The following CDH13 variants were observed in gnomAD, a reference collection of about 807,000 sequenced individuals.
CDH13 encodes cadherin-13.
Under a neutral mutation model 63.8 loss-of-function variants are expected in CDH13, and 24 were observed. The ratio of observed to expected loss-of-function variants is 0.38; its 90% CI spans 0.27 to 0.53. The LOEUF (loss-of-function observed/expected upper bound fraction) is 0.53, where lower values mean the gene tolerates loss of function less well. Ranked by LOEUF, CDH13 falls within the 20% of genes least tolerant of loss-of-function variation. The pLI, the probability that CDH13 is intolerant of heterozygous loss-of-function variation, is 0.85. For missense variants in CDH13, 1,049 were observed against 903.1 expected, an observed-to-expected ratio of 1.16 and a Z score of -2.07; for synonymous variants, 503 against 355.3, an observed-to-expected ratio of 1.42 and a Z score of -4.67.
At chr16:83,400,465 G>A (rs11647963) in intron 6 of CDH13, among the ~76,000 whole-genome samples, 16,976 of 152,234 alleles carry the variant, frequency 0.11, 1,228 homozygotes, top group Middle Eastern at 0.17. Context: ...CCCCCTAGAG[G>A]AAACTTCCTG....
intron 6 of CDH13, among the ~76,000 whole-genome samples, chr16:83,446,945 T>C (rs2072706725): frequency 6.6e-6 from 1 of 151,246 alleles, no homozygotes; most frequent in Non-Finnish European, 1.5e-5. Context: ...ATTTATTTCC[T>C]TAGAGTGATG....
At position 82,965,107 on chromosome 16, in the gene CDH13, T is replaced by C. The variant is rs201237190; in HGVS notation, c.158-66903T>C. Among the ~76,000 whole-genome samples, 3 of 152,324 alleles carry C rather than the reference T, an allele frequency of 2.0e-5. No individual in the cohort carries two copies. The East Asian group carries it at 5.8e-4, about 29-fold the overall frequency. On this transcript the variant is annotated intron_variant, in intron 2 of 13. Transcript: ENST00000567109. Reference sequence around the variant, plus strand: ...TTCAAAAATGTTAAAACTGATCCACTCTCTAACCAGGAATACTGTTGTCTC... The same window carrying C: ...TTCAAAAATGTTAAAACTGATCCACCCTCTAACCAGGAATACTGTTGTCTC...
At chr16:83,407,822 G>C (rs767502301) in intron 6 of CDH13, among the ~76,000 whole-genome samples, 1 of 151,480 alleles carries the variant, frequency 6.6e-6, no homozygotes. Context: ...AAACTCATCT[G>C]TTTTCTTTTT....
At position 83,061,756 on chromosome 16, in the gene CDH13, A is replaced by G. The variant is rs115097444; in HGVS notation, c.366+29538A>G. 5.0e-3 allele frequency among the ~76,000 whole-genome samples: 765 copies of G among 152,346 alleles called. 4 individuals are homozygous for G. The highest frequency in any genetic ancestry group is 0.018 in the African/African-American group (734 of 41,576). On this transcript the variant is annotated intron_variant, in intron 3 of 13. Transcript: ENST00000567109. ...AAATGAGTAGAAAGAACAAAAATAA[A>G]GAAGCCTCACCCCAGATACGGCACT...
chr16:83,586,451 T>C (rs946816512), intron 7 of CDH13, among the ~76,000 whole-genome samples: 7 of 152,224 alleles, frequency 4.6e-5, no homozygotes, highest in African/African-American at 1.2e-4. Context: ...ATGGGTTTTA[T>C]TATTGGCGAA....
At chr16:83,180,380 A>C (rs780394917) in intron 4 of CDH13, among the ~76,000 whole-genome samples, 3 of 152,150 alleles carry the variant, frequency 2.0e-5, no homozygotes, top group African/African-American at 7.2e-5. Context: ...GAACAAACAA[A>C]CTTCCTAGGA....
Position 83,241,755 on chromosome 16 carries a change from C to T in CDH13, c.636+24258C>T, listed in dbSNP as rs1475694275. 2.0e-5 allele frequency among the ~76,000 whole-genome samples: 3 copies of T among 152,148 alleles called. No homozygotes were observed. In the East Asian group the frequency reaches 5.8e-4, roughly 29 times the overall value. ...TTTTAACCCCTTATCCGATATATGT[C>T]TTGCAAAGATTTTCTCCTATTTAGT... On this transcript the variant is annotated intron_variant, in intron 5 of 13. Transcript: ENST00000567109.
At chr16:82,997,553 C>G (rs926456441) in intron 2 of CDH13, among the ~76,000 whole-genome samples, 7 of 151,988 alleles carry the variant, frequency 4.6e-5, no homozygotes, top group African/African-American at 7.3e-5. Context: ...TTCTATTTAC[C>G]TTCCCCTAAT....
chr16:83,736,306 G>A (rs139070750), intron 10 of CDH13, among the ~76,000 whole-genome samples: 126 of 152,246 alleles, frequency 8.3e-4, no homozygotes, highest in Middle Eastern at 3.4e-3. Context: ...TTCAGAAATC[G>A]GATAGCTTCT....
At chr16:82,833,258 T>A (rs1215515035) in intron 1 of CDH13, among the ~76,000 whole-genome samples, 3 of 152,242 alleles carry the variant, frequency 2.0e-5, no homozygotes, top group Non-Finnish European at 2.9e-5. Context: ...TACTGTGTGC[T>A]GAGGACATTA....
chr16:83,217,093 G>A (rs924817287), intron 4 of CDH13, among the ~76,000 whole-genome samples: 2 of 152,090 alleles, frequency 1.3e-5, no homozygotes, highest in African/African-American at 4.8e-5. Context: ...TGCCCTCCTT[G>A]ATCCATCACT....
intron 5 of CDH13, among the ~76,000 whole-genome samples, chr16:83,276,191 C>A (rs1046255210): frequency 1.3e-5 from 2 of 152,100 alleles, no homozygotes; most frequent in African/African-American, 4.8e-5. Flanking sequence ...CCAATCACTC[C>A]AACTCTGAGA....
At chr16:82,807,407 A>G (rs1220808937) in intron 1 of CDH13, among the ~76,000 whole-genome samples, 1 of 152,174 alleles carries the variant, frequency 6.6e-6, no homozygotes, top group Non-Finnish European at 1.5e-5. Context: ...TGATAGGAAG[A>G]GGTCTGGTAG....
intron 10 of CDH13, chr16:83,721,576 G>A (rs1025428128): frequency 6.6e-6 from 1 of 152,170 alleles, no homozygotes; most frequent in African/African-American, 2.4e-5. Context: ...TCTGAGCAAG[G>A]GACTCTTTGT....
intron 3 of CDH13, among the ~76,000 whole-genome samples, chr16:83,071,711 A>T (rs948025389): frequency 1.7e-4 from 26 of 152,186 alleles, no homozygotes; most frequent in African/African-American, 6.0e-4. Context: ...GGAGAAGACT[A>T]TGTGGAGAAA....
chr16:83,599,987 C>T (rs1163838523), intron 7 of CDH13, among the ~76,000 whole-genome samples: 1 of 152,138 alleles, frequency 6.6e-6, no homozygotes, highest in African/African-American at 2.4e-5. Flanking sequence ...TACATGCAGT[C>T]CAGCTCGTCA....
intron 1 of CDH13, among the ~76,000 whole-genome samples, chr16:82,787,841 A>AGTGTGTGTGTATGTGTGTGT (rs1555516776): frequency 1.4e-5 from 2 of 146,654 alleles, no homozygotes; most frequent in African/African-American, 5.1e-5. Flanking sequence ...GAAGGGAGGA[A>AGTGTGTGTGTATGTGTGTGT]GTGTGTGTGT....
chr16:82,912,230 A>ATATGTTGCTTTTCACGCATCT (rs6145918), intron 2 of CDH13, among the ~76,000 whole-genome samples: 5 of 151,866 alleles, frequency 3.3e-5, no homozygotes, highest in Admixed American at 2.6e-4. Flanking sequence ...CTGCATGTTA[A>ATATGTTGCTTTTCACGCATCT]TATTTTCTTA....
chr16:82,685,048 C>T (rs1222464592), intron 1 of CDH13, among the ~76,000 whole-genome samples: 3 of 151,294 alleles, frequency 2.0e-5, no homozygotes, highest in East Asian at 1.9e-4. Flanking sequence ...TGTGTCTGGC[C>T]GGTAAACCTG....
Sources: allele counts gnomAD v4.1 joint callset (sites outside exome capture counted in the v4.1 genomes callset), GRCh38; gene constraint gnomAD v4.1.1; transcripts MANE v1.5; gene names NCBI Gene and HGNC (gene_info 2026-07-23, HGNC 2026-07-21).